The following TMEM87A variants were observed in gnomAD, a reference collection of about 807,000 sequenced individuals.
TMEM87A encodes transmembrane protein 87A.
A neutral mutation model predicts 90.0 loss-of-function variants in TMEM87A; 50 were observed. That is an observed-to-expected ratio of 0.56 (90% CI 0.44 to 0.70). TMEM87A has a LOEUF of 0.70. Ranked by LOEUF, TMEM87A falls within the 30% of genes least tolerant of loss-of-function variation. TMEM87A has a pLI of 0.00. For missense variants in TMEM87A, 577 were observed against 660.5 expected, an observed-to-expected ratio of 0.87 and a Z score of 1.39; for synonymous variants, 226 against 226.7, an observed-to-expected ratio of 1.00 and a Z score of 0.03.
intron 6 of TMEM87A, among the ~76,000 whole-genome samples, chr15:42,252,810 A>AT (rs886958103): frequency 4.2e-5 from 6 of 141,436 alleles, no homozygotes; most frequent in African/African-American, 1.1e-4. Context: ...CAAAGCATGT[A>AT]TTTTTTTTAA....
chr15:42,258,958 C>A, intron 6 of TMEM87A: 1 of 1,032,854 alleles, frequency 9.7e-7, no homozygotes, highest in Non-Finnish European at 1.5e-6. Context: ...TTCAACAATC[C>A]AAGAAATGTT....
At chr15:42,231,908 G>GA in intron 11 of TMEM87A, 4 of 1,275,242 alleles carry the variant, frequency 3.1e-6, no homozygotes, top group Non-Finnish European at 4.1e-6. Flanking sequence ...CAAGGGATAA[G>GA]AAAAATACTA....
chr15:42,234,547 C>T (rs1426323343), intron 10 of TMEM87A, among the ~76,000 whole-genome samples: 1 of 152,178 alleles, frequency 6.6e-6, no homozygotes, highest in Non-Finnish European at 1.5e-5. Context: ...TTCCCCATAT[C>T]TCTAATCCCA....
Position 42,272,087 on chromosome 15 carries a change from T to G in TMEM87A, c.181A>C (p.Arg61=), listed in dbSNP as rs1372436184. ...CACTTCAGGAAGATAGTGGTATTTC[T>G]GAAGAGGATCTTTCCAAAACTAAAA... The part of the protein sequence containing the change: ...NYFSFGKILF[R]NTTIFLKFDG... Residue 61 remains arginine, a synonymous_variant, in exon 2 of 20, where the codon AGA becomes CGA. Transcript: ENST00000389834. 2 of 1,606,784 alleles carry G rather than the reference T, an allele frequency of 1.2e-6. No individual in the cohort carries two copies. The highest frequency in any genetic ancestry group is 1.7e-6 in the Non-Finnish European group (2 of 1,177,590).
At chr15:42,264,377 T>C (rs1334026767) in intron 3 of TMEM87A, among the ~76,000 whole-genome samples, 174 bp from the exon 4 acceptor site, 1 of 152,160 alleles carries the variant, frequency 6.6e-6, no homozygotes, top group African/African-American at 2.4e-5. Context: ...AATCAAACAC[T>C]ATCAGACTCA....
chr15:42,234,159 C>T (rs958537493), intron 10 of TMEM87A, among the ~76,000 whole-genome samples: 1 of 152,162 alleles, frequency 6.6e-6, no homozygotes, highest in Admixed American at 6.5e-5. Context: ...TTAATATAAT[C>T]AAATATCCTA....
chr15:42,250,041 A>G (rs1234033060), intron 6 of TMEM87A, among the ~76,000 whole-genome samples: 6 of 151,976 alleles, frequency 3.9e-5, no homozygotes, highest in African/African-American at 1.5e-4. Context: ...GTCTCTTTTG[A>G]TCTTTGTTGG....
intron 15 of TMEM87A, among the ~76,000 whole-genome samples, chr15:42,225,433 T>A (rs1277632376): frequency 1.3e-5 from 2 of 152,226 alleles, no homozygotes; most frequent in Non-Finnish European, 2.9e-5. Flanking sequence ...AGTTTTAATT[T>A]TACCCTTTCT....
intron 2 of TMEM87A, among the ~76,000 whole-genome samples, chr15:42,270,257 C>T (rs1310918811): frequency 6.6e-6 from 1 of 152,004 alleles, no homozygotes; most frequent in Non-Finnish European, 1.5e-5. Context: ...ATAGTCCCAG[C>T]TACTCGGGAG....
Position 42,231,944 on chromosome 15 carries a change from A to G in TMEM87A, c.1063-684T>C, listed in dbSNP as rs1359911408. 10 of 1,207,770 alleles carry G rather than the reference A, an allele frequency of 8.3e-6. No individual in the cohort carries two copies. In the East Asian group the frequency reaches 5.6e-4, roughly 68 times the overall value. 74.8% of individuals were successfully genotyped at this position (1,207,770 alleles called of 1,614,324 possible). A position where few individuals can be genotyped will look rare whatever the true frequency, so the allele number is the denominator to read the frequency against. Reference sequence around the variant, plus strand: ...TAGCAACAGCAGAAGAAAGAAAATGAAATTGACAGAGGGTTAAAGTTGCTA... The same window carrying G: ...TAGCAACAGCAGAAGAAAGAAAATGGAATTGACAGAGGGTTAAAGTTGCTA... On this transcript the variant is annotated intron_variant, in intron 11 of 19. Transcript: ENST00000389834.
intron 15 of TMEM87A, among the ~76,000 whole-genome samples, chr15:42,225,520 G>A (rs907024663): frequency 6.6e-6 from 1 of 152,124 alleles, no homozygotes; most frequent in African/African-American, 2.4e-5. Context: ...GAGACTCAGT[G>A]TAAGTGATAC....
At chr15:42,234,629 T>C (rs985284122) in intron 10 of TMEM87A, among the ~76,000 whole-genome samples, 2 of 152,226 alleles carry the variant, frequency 1.3e-5, no homozygotes, top group Non-Finnish European at 1.5e-5. Context: ...TAAAGCACTA[T>C]AAAGTGATGC....
chr15:42,231,927 G>A, intron 11 of TMEM87A: 1 of 1,253,030 alleles, frequency 8.0e-7, no homozygotes, highest in Non-Finnish European at 1.0e-6. Flanking sequence ...TATAGCAACA[G>A]CAGAAGAAAG....
chr15:42,255,778 T>A (rs1039115625), intron 6 of TMEM87A, among the ~76,000 whole-genome samples: 2 of 151,700 alleles, frequency 1.3e-5, no homozygotes, highest in Middle Eastern at 3.4e-3. Flanking sequence ...GATTTTTGTT[T>A]TTTTTTTTTT....
Position 42,237,428 on chromosome 15 carries a change from T to C in TMEM87A, c.868+4A>G, listed in dbSNP as rs1454917893. The C allele has an allele frequency of 6.2e-7, 1 of 1,613,342 alleles. No individual in the cohort carries two copies. The highest frequency in any genetic ancestry group is 2.2e-5 in the East Asian group (1 of 44,862). On this transcript the variant is annotated splice_donor_region_variant and intron_variant, in intron 9 of 19. Transcript: ENST00000389834. ...GAACTGGCAAAGATTTTCTGGTTAC[T>C]TACCAGATTCTCCTTTGTATCGGAT...
intron 7 of TMEM87A, among the ~76,000 whole-genome samples, chr15:42,241,504 G>C (rs2050866772): frequency 6.6e-6 from 1 of 152,146 alleles, no homozygotes; most frequent in Non-Finnish European, 1.5e-5. Context: ...GTGGTGTTTT[G>C]ACATAAGGCA....
At chr15:42,258,467 C>A in intron 6 of TMEM87A, 1 of 541,968 alleles carries the variant, frequency 1.8e-6, no homozygotes, top group African/African-American at 2.0e-5. Context: ...TCACTGGCTG[C>A]CCAGGCTGGA....
rs1267673914 is a variant in TMEM87A at position 42,219,637 on chromosome 15, T to C, written c.1483A>G (p.Met495Val). 5 of 1,596,034 alleles carry C rather than the reference T, an allele frequency of 3.1e-6. No homozygotes were observed. Among genetic ancestry groups the C allele is most frequent in the Non-Finnish European group, 3.4e-6 (4 of 1,168,696 alleles). ...EPMLKESFEG[M>V]KMRSTKQEPN... ...TCTTGTTTGGTACTTCTCATTTTCATTCCTTCTGTAGAAGAAAATAAATAT... is the reference window on the plus strand; with the variant it reads ...TCTTGTTTGGTACTTCTCATTTTCACTCCTTCTGTAGAAGAAAATAAATAT... The change falls in exon 17 of 20, where the codon ATG becomes GTG. Residue 495 changes from methionine (M) to valine (V), a missense_variant. Coordinates refer to ENST00000389834, the MANE Select transcript of TMEM87A (RefSeq NM_015497.5).
chr15:42,244,292 C>A, intron 6 of TMEM87A, 125 bp from the exon 7 acceptor site: 2 of 615,456 alleles, frequency 3.2e-6, no homozygotes, highest in South Asian at 2.3e-5. Flanking sequence ...CTCTTTCATT[C>A]ATTGAAACAT....
Sources: allele counts gnomAD v4.1 joint callset (sites outside exome capture counted in the v4.1 genomes callset), GRCh38; gene constraint gnomAD v4.1.1; transcripts MANE v1.5; gene names NCBI Gene and HGNC (gene_info 2026-07-23, HGNC 2026-07-21).